The following NUP155 variants were observed in gnomAD, a reference collection of about 807,000 sequenced individuals.
The protein encoded by NUP155 is nucleoporin 155.
Under a neutral mutation model 180.4 loss-of-function variants are expected in NUP155, and 71 were observed. The ratio of observed to expected loss-of-function variants is 0.39; its 90% CI spans 0.33 to 0.48. The LOEUF is 0.48. NUP155 is among the 20% of genes least tolerant of loss of function. The pLI is 0.91. For synonymous variants in NUP155, 582 were observed against 559.5 expected (o/e 1.04, Z -0.57); for missense variants, 1,553 against 1,648.9 (o/e 0.94, Z 1.01).
At chr5:37,310,471 C>A in intron 23 of NUP155, 81 bp downstream of exon 23, 1 of 1,141,366 alleles carries the variant, frequency 8.8e-7, no homozygotes, top group South Asian at 1.3e-5. Context: ...GACTGAGGTC[C>A]TATATTAAGT....
At chr5:37,327,523 A>G in intron 18 of NUP155, 106 bp downstream of exon 18, 1 of 1,319,302 alleles carries the variant, frequency 7.6e-7, no homozygotes, top group Non-Finnish European at 1.1e-6. Flanking sequence ...AGCTAAAACT[A>G]AAATTTAATA....
At chr5:37,310,504 A>G in intron 23 of NUP155, 48 bp downstream of exon 23, 1 of 1,486,072 alleles carries the variant, frequency 6.7e-7, no homozygotes, top group Non-Finnish European at 9.4e-7. Context: ...TTCATCATAC[A>G]TGATACCTCT....
chr5:37,329,843 C>T (rs1191750935), intron 15 of NUP155, among the ~76,000 whole-genome samples, 195 bp downstream of exon 15: 2 of 152,146 alleles, frequency 1.3e-5, no homozygotes, highest in Non-Finnish European at 2.9e-5. Context: ...AGTAATAATG[C>T]ATAAACTATG....
intron 20 of NUP155, among the ~76,000 whole-genome samples, chr5:37,322,973 C>CA (rs112690914): frequency 0.048 from 6,975 of 145,676 alleles, 541 homozygotes; most frequent in African/African-American, 0.17. Context: ...AACTCCGTCT[C>CA]AAAAAAAAAA....
At chr5:37,318,181 T>G in intron 20 of NUP155, 96 bp from the exon 21 acceptor site, 1 of 866,562 alleles carries the variant, frequency 1.2e-6, no homozygotes, top group South Asian at 1.3e-5. Context: ...TTTACTTTTT[T>G]TAAATAATTC....
At chr5:37,330,171 A>G in intron 14 of NUP155, 39 bp from the exon 15 acceptor site, 1 of 1,403,946 alleles carries the variant, frequency 7.1e-7, no homozygotes, top group Non-Finnish European at 1.0e-6. Context: ...TATTAAATAC[A>G]AATTTTAAAA....
chr5:37,330,063 C>A lies in NUP155; in HGVS notation c.1699G>T (p.Ala567Ser). 6.2e-7 allele frequency: 1 copy of A among 1,613,592 alleles called. No individual in the cohort carries two copies. Among genetic ancestry groups the A allele is most frequent in the Non-Finnish European group, 8.5e-7 (1 of 1,179,682 alleles). Residue 567 changes from alanine (A) to serine (S), a missense_variant, in exon 15 of 35, where the codon GCC (alanine) becomes TCC (serine). Physicochemically the swap from Ala to Ser is moderately conservative, Grantham distance 99. Transcript: ENST00000231498. Reference protein sequence around the residue: ...STAACDREVSAWATRAFFRYG... With the variant: ...STAACDREVSSWATRAFFRYG... Reference sequence around the variant, plus strand: ...CTAAAGAAAGCCCGAGTAGCCCAGGCAGATACTTCTCTATCACAGGCAGCA... The same window carrying A: ...CTAAAGAAAGCCCGAGTAGCCCAGGAAGATACTTCTCTATCACAGGCAGCA...
intron 9 of NUP155, 28 bp from the exon 10 acceptor site, chr5:37,342,674 T>G (rs755276789): frequency 1.5e-6 from 2 of 1,328,606 alleles, no homozygotes; most frequent in Admixed American, 3.4e-5. Flanking sequence ...ATAAAGTGTA[T>G]TTTTAAAATG....
rs1016312798 is a variant in NUP155, at chr5:37,293,948, G to A, written c.3930+381C>T. 5.3e-5 allele frequency among the ~76,000 whole-genome samples: 4 copies of A among 74,972 alleles called. 2 individuals are homozygous for A. Among genetic ancestry groups the A allele is most frequent in the African/African-American group, 6.7e-4 (2 of 2,994 alleles). The allele number at this position is 74,972 out of a possible 152,430, so 49.2% of individuals were successfully genotyped here. A position where few individuals can be genotyped will look rare whatever the true frequency, so the allele number is the denominator to read the frequency against. ...CGGGAAGCGGAGCTTGCAGTGAGCC[G>A]AGATTGCGCCACTGCAGTCCGCAGT... On this transcript the variant is annotated intron_variant, in intron 33 of 34. Coordinates refer to ENST00000231498, the MANE Select transcript of NUP155 (RefSeq NM_153485.3).
rs757495054 is a variant in NUP155 at position 37,302,826 on chromosome 5, T to C, written c.3400A>G (p.Ile1134Val). The change falls in exon 29 of 35, where the codon ATA (isoleucine) becomes GTA (valine). Residue 1134 changes from isoleucine to valine, a missense_variant. Transcript: ENST00000231498. ...SAKSSTAISS[I>V]AADGEFLHEL... ...TGAAGAAATTCACCATCGGCAGCTA[T>C]TGATGAAATGGCAGTGGAACTTTTG... The C allele has an allele frequency of 1.2e-5, 20 of 1,613,952 alleles. No homozygotes were observed. Among genetic ancestry groups the C allele is most frequent in the Non-Finnish European group, 1.6e-5 (19 of 1,179,954 alleles).
chr5:37,336,558 C>T (rs1353872677), intron 12 of NUP155, among the ~76,000 whole-genome samples: 6 of 152,046 alleles, frequency 3.9e-5, no homozygotes. Context: ...GTAGTAGGTA[C>T]GATTATAACT....
At chr5:37,303,700 C>T (rs1247217596) in intron 27 of NUP155, among the ~76,000 whole-genome samples, 1 of 152,164 alleles carries the variant, frequency 6.6e-6, no homozygotes, top group African/African-American at 2.4e-5. Context: ...AATCCTCGCA[C>T]TTTGGGAGGC....
At chr5:37,308,601 G>C (rs778848513) in intron 24 of NUP155, among the ~76,000 whole-genome samples, 102 of 152,208 alleles carry the variant, frequency 6.7e-4, no homozygotes, top group Non-Finnish European at 9.9e-4. Flanking sequence ...GGGAGGCTGA[G>C]GCAGAATGGC....
intron 27 of NUP155, among the ~76,000 whole-genome samples, chr5:37,303,730 G>A (rs529304747): frequency 1.3e-5 from 2 of 152,272 alleles, no homozygotes; most frequent in Non-Finnish European, 2.9e-5. Flanking sequence ...CAGATCATGT[G>A]AGCTCAGGAG....
intron 3 of NUP155, among the ~76,000 whole-genome samples, chr5:37,358,542 C>A (rs745607803): frequency 6.6e-6 from 1 of 152,094 alleles, no homozygotes; most frequent in African/African-American, 2.4e-5. Flanking sequence ...ATTTTTGAGA[C>A]AAGGTCCAGC....
rs397997410 is a variant in NUP155, at chr5:37,361,285, A to AAAAAG, written c.392+2602_392+2603insCTTTT. ...TGTCTCAAAAAAAAAAAAAAAAAAA[A>AAAAAG]GACAATGGCTGAACAGAAAAGGAGA... On this transcript the variant is annotated intron_variant, in intron 3 of 34. Transcript: ENST00000231498. 6.2e-3 allele frequency among the ~76,000 whole-genome samples: 877 copies of AAAAAG among 141,268 alleles called. 74 individuals are homozygous for AAAAAG. Among genetic ancestry groups the AAAAAG allele is most frequent in the African/African-American group, 0.025 (822 of 32,844 alleles). The allele number at this position is 141,268 out of a possible 152,430, so 92.7% of individuals were successfully genotyped here.
chr5:37,310,512 T>A (rs775249427), intron 23 of NUP155, 40 bp downstream of exon 23: 13 of 1,524,204 alleles, frequency 8.5e-6, no homozygotes, highest in Non-Finnish European at 1.2e-5. Context: ...ACATGATACC[T>A]CTTATAACAA....
intron 28 of NUP155, 112 bp downstream of exon 28, chr5:37,303,148 A>C (rs1742957788): frequency 1.6e-6 from 2 of 1,265,138 alleles, no homozygotes; most frequent in Non-Finnish European, 2.2e-6. Flanking sequence ...TATTTAAAAA[A>C]TTTAGGTCAG....
intron 20 of NUP155, among the ~76,000 whole-genome samples, chr5:37,318,326 A>G (rs1304573557): frequency 1.3e-5 from 2 of 152,092 alleles, no homozygotes; most frequent in Non-Finnish European, 2.9e-5. Flanking sequence ...AATTTTCCTA[A>G]CCTGTAGAAA....
Sources: allele counts gnomAD v4.1 joint callset (sites outside exome capture counted in the v4.1 genomes callset), GRCh38; gene constraint gnomAD v4.1.1; transcripts MANE v1.5; gene names NCBI Gene and HGNC (gene_info 2026-07-23, HGNC 2026-07-21).